ITGA6: variants seen among roughly 807,000 people sequenced by gnomAD.
ITGA6 encodes the protein integrin alpha-6.
A neutral mutation model predicts 133.6 loss-of-function variants in ITGA6; 63 were observed. That is an observed-to-expected ratio of 0.47 (90% CI 0.38 to 0.58). The LOEUF is 0.58. Among genes scored for constraint, ITGA6 ranks in the 20% least tolerant of loss-of-function variants. The pLI is 0.00. For missense variants in ITGA6, 1,068 were observed against 1,309.4 expected (o/e 0.82, Z 2.85); for synonymous variants, 434 against 482.0 (o/e 0.90, Z 1.30).
At chr2:172,490,964 TGTATG>T (rs753561923) in intron 20 of ITGA6, 55 bp from the exon 21 acceptor site, 29 of 883,904 alleles carry the variant, frequency 3.3e-5, no homozygotes, top group Non-Finnish European at 5.4e-5. Flanking sequence ...TCAAGAGGCT[TGTATG>T]GTAATGACAA....
At chr2:172,468,066 A>G (rs951243739) in intron 3 of ITGA6, among the ~76,000 whole-genome samples, 1 of 152,272 alleles carries the variant, frequency 6.6e-6, no homozygotes, top group African/African-American at 2.4e-5. Flanking sequence ...TCAGATTTAA[A>G]TAACTTATTA....
At chr2:172,430,130 C>A (rs865785921) in intron 1 of ITGA6, among the ~76,000 whole-genome samples, 1 of 152,156 alleles carries the variant, frequency 6.6e-6, no homozygotes, top group Non-Finnish European at 1.5e-5. Flanking sequence ...TTACTTTGAG[C>A]TTTAATTTCT....
intron 11 of ITGA6, among the ~76,000 whole-genome samples, chr2:172,483,348 T>G (rs1175218181): frequency 2.0e-5 from 3 of 152,176 alleles, no homozygotes; most frequent in Admixed American, 6.5e-5. Flanking sequence ...TGGTGCTGCT[T>G]CTGTCCCTCT....
At chr2:172,485,910 C>T (rs1686644737) in intron 13 of ITGA6, among the ~76,000 whole-genome samples, 1 of 152,118 alleles carries the variant, frequency 6.6e-6, no homozygotes, top group South Asian at 2.1e-4. Context: ...GGTGTGGTGG[C>T]TCATGCCTGT....
intron 1 of ITGA6, among the ~76,000 whole-genome samples, chr2:172,449,780 G>C (rs149704863): frequency 1.3e-5 from 2 of 151,994 alleles, no homozygotes; most frequent in Non-Finnish European, 2.9e-5. Context: ...AATTAGCCCG[G>C]CATGGTGGCA....
At chr2:172,468,818 C>T (rs1387991800) in intron 3 of ITGA6, among the ~76,000 whole-genome samples, 1 of 152,160 alleles carries the variant, frequency 6.6e-6, no homozygotes, top group Admixed American at 6.5e-5. Context: ...AGGTGTTTCT[C>T]TTTGTTTATG....
chr2:172,467,402 C>T, intron 2 of ITGA6, 79 bp from the exon 3 acceptor site: 3 of 1,069,768 alleles, frequency 2.8e-6, no homozygotes, highest in South Asian at 2.6e-5. Context: ...CATTTGGAAA[C>T]AGTTGCTTGT....
intron 4 of ITGA6, 32 bp downstream of exon 4, chr2:172,469,412 T>G: frequency 6.3e-7 from 1 of 1,595,638 alleles, no homozygotes; most frequent in Non-Finnish European, 8.6e-7. Flanking sequence ...AAATAGAGAT[T>G]AGTTCCCCTA....
rs779196899 is a variant in ITGA6 at position 172,467,445 on chromosome 2, A to G, written c.308-36A>G. 7.3e-6 allele frequency: 11 copies of G among 1,511,744 alleles called. No individual in the cohort carries two copies. In the Admixed American group the frequency reaches 1.5e-4, roughly 21 times the overall value. The allele number at this position is 1,511,744 out of a possible 1,614,324, so 93.6% of individuals were successfully genotyped here. A position where few individuals can be genotyped will look rare whatever the true frequency, so the allele number is the denominator to read the frequency against. ...TTCAGTGATGGTTTCTAGCATGTGC[A>G]GTCACTTGGAAGGCTAACTATGCTC... On this transcript the variant is annotated intron_variant, in intron 2 of 25. Coordinates refer to ENST00000684293, the MANE Select transcript of ITGA6 (RefSeq NM_000210.4).
Position 172,500,057 on chromosome 2 carries a change from A to G in ITGA6, c.3115-1715A>G, listed in dbSNP as rs575625520. ...TACTTTTATTCAACTGAATTATTTA[A>G]TATGTTAAAGTCATAGGATTTTAGG... On this transcript the variant is annotated intron_variant, in intron 24 of 25. Coordinates refer to ENST00000684293, the MANE Select transcript of ITGA6 (RefSeq NM_000210.4). Among the ~76,000 whole-genome samples, 34 of 152,280 alleles carry G rather than the reference A, an allele frequency of 2.2e-4. 1 individual carries two copies. The highest frequency in any genetic ancestry group is 7.7e-4 in the African/African-American group (32 of 41,564).
At position 172,489,671 on chromosome 2, in the gene ITGA6, AT is replaced by A. The variant is rs1559151449; in HGVS notation, c.2679+16del. 6.2e-7 allele frequency: 1 copy of A among 1,606,992 alleles called. No homozygotes were observed. The highest frequency in any genetic ancestry group is 2.2e-5 in the East Asian group (1 of 44,804). ...CCTGAACCTAACGGTATGTCGGTAG[AT>A]TTATCTAATGTCTCCATAAATGCAA... is the stretch of plus-strand genomic sequence containing the variant. On this transcript the variant is annotated intron_variant, in intron 20 of 25. Coordinates refer to ENST00000684293, the MANE Select transcript of ITGA6 (RefSeq NM_000210.4).
At position 172,504,247 on chromosome 2, in the gene ITGA6, T is replaced by C. The variant is rs1241770098; in HGVS notation, c.*179T>C. 1 of 1,561,912 alleles carries C rather than the reference T, an allele frequency of 6.4e-7. No homozygotes were observed. The highest frequency in any genetic ancestry group is 8.7e-7 in the Non-Finnish European group (1 of 1,154,778). ...AAAGTGGAACGAAAATGAAAGCTACTCATAGCGGGGGCCTAAAAAAAAAAA... is the reference window on the plus strand; with the variant it reads ...AAAGTGGAACGAAAATGAAAGCTACCCATAGCGGGGGCCTAAAAAAAAAAA... On this transcript the variant is annotated 3_prime_UTR_variant, in exon 26 of 26. Coordinates refer to ENST00000684293, the MANE Select transcript of ITGA6 (RefSeq NM_000210.4).
chr2:172,467,329 G>T, intron 2 of ITGA6, 152 bp from the exon 3 acceptor site: 1 of 665,336 alleles, frequency 1.5e-6, no homozygotes, highest in Non-Finnish European at 2.8e-6. Context: ...TCCTTGAGAT[G>T]ACAAGTAATT....
chr2:172,434,523 A>C (rs1441829493), intron 1 of ITGA6, among the ~76,000 whole-genome samples: 4 of 152,180 alleles, frequency 2.6e-5, no homozygotes, highest in Non-Finnish European at 5.9e-5. Flanking sequence ...CCCATGCCAG[A>C]TTCCAACGTT....
chr2:172,477,443 C>T (rs1686226844), intron 9 of ITGA6, among the ~76,000 whole-genome samples: 2 of 151,872 alleles, frequency 1.3e-5, no homozygotes, highest in Admixed American at 1.3e-4. Context: ...TACATTATTC[C>T]CATCTTCCAC....
At chr2:172,502,603 T>C (rs975211664) in intron 25 of ITGA6, among the ~76,000 whole-genome samples, 5 of 152,238 alleles carry the variant, frequency 3.3e-5, no homozygotes, top group African/African-American at 1.2e-4. Flanking sequence ...AAAGTTACCT[T>C]CCATCTACAA....
At chr2:172,451,664 C>T (rs1685010056) in intron 1 of ITGA6, among the ~76,000 whole-genome samples, 2 of 152,136 alleles carry the variant, frequency 1.3e-5, no homozygotes, top group African/African-American at 4.8e-5. Flanking sequence ...TTTCCAGCCA[C>T]AGGATGAGAG....
intron 1 of ITGA6, among the ~76,000 whole-genome samples, chr2:172,457,320 C>G (rs929021624): frequency 1.6e-5 from 2 of 125,286 alleles, no homozygotes; most frequent in Non-Finnish European, 3.3e-5. Context: ...AAAAAAGAAG[C>G]AAAGAAATTT....
chr2:172,471,149 T>C lies in ITGA6; in HGVS notation c.775+44T>C, dbSNP rs192872231. 289 of 1,612,548 alleles carry C rather than the reference T, an allele frequency of 1.8e-4. 1 individual carries two copies. The African/African-American group carries it at 3.1e-3, about 18-fold the overall frequency. ...GGCTGCCTTTGCCCACCTTCTCAGA[T>C]ACCTTGTGTGAAACTCCCTCGCAGG... On this transcript the variant is annotated intron_variant, in intron 5 of 25. Transcript: ENST00000684293.
Sources: allele counts gnomAD v4.1 joint callset (sites outside exome capture counted in the v4.1 genomes callset), GRCh38; gene constraint gnomAD v4.1.1; transcripts MANE v1.5; gene names NCBI Gene and HGNC (gene_info 2026-07-23, HGNC 2026-07-21).